The following PLCG2 variants were observed in gnomAD, a reference collection of about 807,000 sequenced individuals.
PLCG2 encodes phospholipase C gamma 2, also known as 1-phosphatidylinositol 4,5-bisphosphate phosphodiesterase gamma-2.
PLCG2 carries 69 observed loss-of-function variants against 175.6 expected under a neutral mutation model. The ratio of observed to expected loss-of-function variants is 0.39; its 90% CI spans 0.32 to 0.48. The LOEUF is 0.48. PLCG2 is among the 20% of genes least tolerant of loss of function. PLCG2 has a pLI of 0.91. For synonymous variants in PLCG2, 827 were observed against 624.0 expected (o/e 1.33, Z -4.85); for missense variants, 1,798 against 1,650.9 (o/e 1.09, Z -1.54).
chr16:81,748,931 C>G (rs1250185706), intron 1 of PLCG2, among the ~76,000 whole-genome samples: 2 of 152,206 alleles, frequency 1.3e-5, no homozygotes, highest in Non-Finnish European at 2.9e-5. Context: ...ATGACTGTAC[C>G]TGGCTCCTTC....
At chr16:81,741,749 T>TGCAGTGAGCTGAGATTGTG (rs1399200501) in intron 1 of PLCG2, among the ~76,000 whole-genome samples, 6 of 152,060 alleles carry the variant, frequency 3.9e-5, no homozygotes, top group Admixed American at 1.3e-4. Flanking sequence ...AGGCAGAGGT[T>TGCAGTGAGCTGAGATTGTG]GCAGTGAGCT....
chr16:81,765,097 C>G (rs1421541271), intron 2 of PLCG2, among the ~76,000 whole-genome samples: 1 of 151,848 alleles, frequency 6.6e-6, no homozygotes, highest in Non-Finnish European at 1.5e-5. Flanking sequence ...TGTCCCCCCA[C>G]AAAAAAAATA....
chr16:81,895,392 C>G (rs912398726), intron 12 of PLCG2, among the ~76,000 whole-genome samples: 2 of 152,098 alleles, frequency 1.3e-5, no homozygotes, highest in African/African-American at 4.8e-5. Context: ...AACCCTGTCT[C>G]TACTAAAATA....
chr16:81,956,225 T>TA (rs758313518), intron 31 of PLCG2, among the ~76,000 whole-genome samples: 9 of 152,206 alleles, frequency 5.9e-5, no homozygotes, highest in Non-Finnish European at 7.3e-5. Context: ...TGCAGCTTGT[T>TA]ACCTTGCCTT....
chr16:81,759,249 G>A (rs1382637644), intron 2 of PLCG2, among the ~76,000 whole-genome samples: 1 of 152,006 alleles, frequency 6.6e-6, no homozygotes, highest in African/African-American at 2.4e-5. Context: ...GTAGGCTCCA[G>A]TTCCTTCTCA....
chr16:81,961,922 G>T lies in PLCG2; in HGVS notation c.*3924G>T. On this transcript the variant is annotated 3_prime_UTR_variant, in exon 33 of 33. Coordinates refer to ENST00000564138, the MANE Select transcript of PLCG2 (RefSeq NM_002661.5). Reference sequence around the variant, plus strand: ...CTGAGCATAAAATGTTAAGATTGCTGATCGGATGTGAGGGCGATCTGGCTG... The same window carrying T: ...CTGAGCATAAAATGTTAAGATTGCTTATCGGATGTGAGGGCGATCTGGCTG... The T allele has an allele frequency of 5.0e-6, 1 of 198,598 alleles. No homozygotes were observed. Among genetic ancestry groups the T allele is most frequent in the East Asian group, 7.8e-5 (1 of 12,758 alleles). The allele number at this position is 198,598 out of a possible 1,614,324, so 12.3% of individuals were successfully genotyped here.
At chr16:81,948,159 G>T (rs1299696612) in intron 31 of PLCG2, among the ~76,000 whole-genome samples, 3 of 152,090 alleles carry the variant, frequency 2.0e-5, no homozygotes, top group Non-Finnish European at 2.9e-5. Context: ...TTTAGCAATG[G>T]AATAATAAAT....
chr16:81,921,454 G>A (rs1460052237), intron 21 of PLCG2, 185 bp downstream of exon 21: 7 of 647,690 alleles, frequency 1.1e-5, no homozygotes, highest in South Asian at 3.2e-5. Flanking sequence ...CAGGGAAAAT[G>A]TTAATAGAAT....
chr16:81,948,682 A>T (rs1911247599), intron 31 of PLCG2, among the ~76,000 whole-genome samples: 1 of 152,108 alleles, frequency 6.6e-6, no homozygotes. Flanking sequence ...ATTTCCTTAC[A>T]CCTGGGGAGA....
rs1004690793 is a variant in PLCG2 at position 81,962,317 on chromosome 16, T to C, written c.*4319T>C. 3.0e-5 allele frequency: 6 copies of C among 202,746 alleles called. No individual in the cohort carries two copies. Among genetic ancestry groups the C allele is most frequent in the South Asian group, 1.9e-4 (1 of 5,262 alleles). 12.6% of individuals were successfully genotyped at this position (202,746 alleles called of 1,614,324 possible). On this transcript the variant is annotated 3_prime_UTR_variant, in exon 33 of 33. Coordinates refer to ENST00000564138, the MANE Select transcript of PLCG2 (RefSeq NM_002661.5). ...TTTTTGAACCCAACCGTAAAAGCTATCTTCTAACCAACAAAAAGTTAATAA... is the reference window on the plus strand; with the variant it reads ...TTTTTGAACCCAACCGTAAAAGCTACCTTCTAACCAACAAAAAGTTAATAA...
intron 2 of PLCG2, among the ~76,000 whole-genome samples, chr16:81,837,160 C>T (rs1221391969): frequency 6.6e-6 from 1 of 152,218 alleles, no homozygotes; most frequent in Non-Finnish European, 1.5e-5. Flanking sequence ...CTAGCAAACT[C>T]AAAGAACGAG....
chr16:81,818,211 G>T (rs1382520113), intron 2 of PLCG2, among the ~76,000 whole-genome samples: 2 of 152,214 alleles, frequency 1.3e-5, no homozygotes, highest in Non-Finnish European at 2.9e-5. Flanking sequence ...CCTCACTGGT[G>T]AGGTCCTTTC....
intron 8 of PLCG2, among the ~76,000 whole-genome samples, chr16:81,881,320 T>G (rs950195460): frequency 6.6e-6 from 1 of 152,194 alleles, no homozygotes; most frequent in Admixed American, 6.5e-5. Flanking sequence ...CAGGTTTAAC[T>G]GAATTAAAAT....
At chr16:81,751,761 G>T (rs189658229) in intron 1 of PLCG2, among the ~76,000 whole-genome samples, 1 of 152,204 alleles carries the variant, frequency 6.6e-6, no homozygotes, top group Non-Finnish European at 1.5e-5. Context: ...GTGGCTCACA[G>T]CTGTAATCCT....
chr16:81,777,766 A>T (rs1272730196), upstream of PLCG2, among the ~76,000 whole-genome samples: 1 of 152,096 alleles, frequency 6.6e-6, no homozygotes, highest in Non-Finnish European at 1.5e-5. Flanking sequence ...CTGTAATCCC[A>T]GCACTTTGGG....
At chr16:81,926,765 T>C (rs1261069152) in intron 22 of PLCG2, among the ~76,000 whole-genome samples, 15 of 152,182 alleles carry the variant, frequency 9.9e-5, no homozygotes, top group Admixed American at 9.8e-4. Flanking sequence ...CTCCCCGAAA[T>C]AGGGGTGAAC....
At chr16:81,924,739 C>T (rs890953228) in intron 22 of PLCG2, among the ~76,000 whole-genome samples, 3 of 152,246 alleles carry the variant, frequency 2.0e-5, no homozygotes, top group African/African-American at 7.2e-5. Flanking sequence ...GCCGAGTTAC[C>T]CATTGAGCTG....
chr16:81,859,662 G>C (rs1320249776), intron 5 of PLCG2, among the ~76,000 whole-genome samples: 3 of 151,986 alleles, frequency 2.0e-5, no homozygotes, highest in Admixed American at 1.3e-4. Flanking sequence ...AGCCTCCCAA[G>C]TACCTAGGAC....
chr16:81,774,773 C>T (rs969656128), upstream of PLCG2, among the ~76,000 whole-genome samples: 61 of 151,116 alleles, frequency 4.0e-4, no homozygotes, highest in African/African-American at 1.4e-3. Flanking sequence ...GGGTCTTACT[C>T]TGTTGCCCAG....
Sources: gnomAD v4.1 joint callset for allele counts (sites outside exome capture counted in the v4.1 genomes callset) on GRCh38, gnomAD v4.1.1 for gene constraint, MANE v1.5 for transcripts, NCBI Gene and HGNC (gene_info 2026-07-23, HGNC 2026-07-21) for gene names.